Variants in GNAZ observed in about 807,000 individuals in gnomAD.
GNAZ encodes guanine nucleotide-binding protein G(z) subunit alpha.
GNAZ carries 3 observed loss-of-function variants against 25.4 expected under a neutral mutation model. That is an observed-to-expected ratio of 0.12 (90% CI 0.05 to 0.30). The LOEUF (loss-of-function observed/expected upper bound fraction) is 0.30, where lower values mean the gene tolerates loss of function less well. GNAZ is among the 10% of genes least tolerant of loss of function. GNAZ has a pLI of 1.00. For synonymous variants in GNAZ, 211 were observed against 205.7 expected (o/e 1.03, Z -0.22); for missense variants, 241 against 501.8 (o/e 0.48, Z 4.97).
chr22:23,081,303 C>T (rs1393698417), intron 1 of GNAZ, among the ~76,000 whole-genome samples: 4 of 152,070 alleles, frequency 2.6e-5, no homozygotes, highest in South Asian at 2.1e-4. Flanking sequence ...ACCCCAGAAC[C>T]GGAAACTCTG....
At chr22:23,075,606 A>AT (rs2146253759) in intron 1 of GNAZ, among the ~76,000 whole-genome samples, 1 of 152,324 alleles carries the variant, frequency 6.6e-6, no homozygotes, top group Non-Finnish European at 1.5e-5. Context: ...TGGAGAATCC[A>AT]TCAAAAAGTG....
At chr22:23,102,252 C>T (rs936806229) in intron 2 of GNAZ, among the ~76,000 whole-genome samples, 2 of 152,228 alleles carry the variant, frequency 1.3e-5, no homozygotes, top group African/African-American at 2.4e-5. Flanking sequence ...GCCTAGGGTC[C>T]CAGGCTTTAT....
chr22:23,106,909 A>G (rs966419455), intron 2 of GNAZ, among the ~76,000 whole-genome samples: 7 of 152,112 alleles, frequency 4.6e-5, no homozygotes, highest in Non-Finnish European at 1.0e-4. Context: ...TGCCATTACT[A>G]CGGGTCACCC....
At chr22:23,097,143 T>C (rs1181610159) in intron 2 of GNAZ, among the ~76,000 whole-genome samples, 1 of 152,094 alleles carries the variant, frequency 6.6e-6, no homozygotes, top group Non-Finnish European at 1.5e-5. Flanking sequence ...ATTTCAAGTC[T>C]GCCCTTAAGA....
chr22:23,111,339 C>G (rs2069652361), intron 2 of GNAZ, among the ~76,000 whole-genome samples: 1 of 152,194 alleles, frequency 6.6e-6, no homozygotes, highest in Non-Finnish European at 1.5e-5. Flanking sequence ...AATCTCCAAG[C>G]CCAGGCCAGG....
chr22:23,092,897 C>A (rs1239468375), intron 1 of GNAZ, among the ~76,000 whole-genome samples: 1 of 152,214 alleles, frequency 6.6e-6, no homozygotes, highest in Non-Finnish European at 1.5e-5. Context: ...GGACACCTCC[C>A]ACTGGGTTGG....
In GNAZ at chr22:23,123,493, G is replaced by C. The variant is rs944337808; in HGVS notation, c.*62G>C. On this transcript the variant is annotated 3_prime_UTR_variant, in exon 3 of 3. Coordinates refer to ENST00000615612, the MANE Select transcript of GNAZ (RefSeq NM_002073.4). ...CCCACGGGGTGTCATGCCCCAACGC[G>C]TGCTAGAGAGGCCCAATCCAGGGGC... is the stretch of plus-strand genomic sequence containing the variant. 19 of 1,093,718 alleles carry C rather than the reference G, an allele frequency of 1.7e-5. No individual in the cohort carries two copies. In the African/African-American group the frequency reaches 2.7e-4, roughly 15 times the overall value. The allele number at this position is 1,093,718 out of a possible 1,614,324, so 67.8% of individuals were successfully genotyped here.
intron 1 of GNAZ, among the ~76,000 whole-genome samples, chr22:23,093,974 G>A (rs1384384841): frequency 6.6e-6 from 1 of 152,202 alleles, no homozygotes; most frequent in Non-Finnish European, 1.5e-5. Context: ...GGGACAGTGA[G>A]GGGCACGGAT....
chr22:23,092,959 G>A (rs2069026442), intron 1 of GNAZ, among the ~76,000 whole-genome samples: 1 of 152,222 alleles, frequency 6.6e-6, no homozygotes, highest in South Asian at 2.1e-4. Context: ...TGATGGTGCT[G>A]GTAGGGAGAA....
chr22:23,104,834 C>G (rs2069413716), intron 2 of GNAZ, among the ~76,000 whole-genome samples: 1 of 152,228 alleles, frequency 6.6e-6, no homozygotes, highest in Non-Finnish European at 1.5e-5. Context: ...CCTGAGGCCC[C>G]ACTGGCTCAG....
chr22:23,072,017 C>T (rs1219725443), intron 1 of GNAZ, among the ~76,000 whole-genome samples: 2 of 152,114 alleles, frequency 1.3e-5, no homozygotes, highest in South Asian at 2.1e-4. Context: ...ACGGCTTCCT[C>T]ATCTGTAAAA....
chr22:23,070,600 C>CGCCGCTGA (rs201366455), intron 1 of GNAZ, 30 bp downstream of exon 1: 18,504 of 151,816 alleles, frequency 0.12, 1,329 homozygotes, highest in South Asian at 0.18. Flanking sequence ...GCCGGCCGCG[C>CGCCGCTGA]GCCGCTGAGC....
intron 1 of GNAZ, among the ~76,000 whole-genome samples, chr22:23,075,025 C>T (rs1168223868): frequency 6.6e-6 from 1 of 152,214 alleles, no homozygotes; most frequent in Non-Finnish European, 1.5e-5. Context: ...TAAAATTATG[C>T]ATTCCAGAAC....
At chr22:23,110,511 C>A (rs941767344) in intron 2 of GNAZ, among the ~76,000 whole-genome samples, 8 of 152,206 alleles carry the variant, frequency 5.3e-5, no homozygotes, top group African/African-American at 1.9e-4. Flanking sequence ...CACAGCAAGG[C>A]AGGTCCTTAA....
At chr22:23,107,721 CA>C (rs1167707573) in intron 2 of GNAZ, among the ~76,000 whole-genome samples, 2 of 152,184 alleles carry the variant, frequency 1.3e-5, no homozygotes, top group Non-Finnish European at 2.9e-5. Flanking sequence ...CACAGAACCC[CA>C]GGGGGTTGGC....
chr22:23,110,042 C>T (rs1380674916), intron 2 of GNAZ, among the ~76,000 whole-genome samples: 1 of 152,186 alleles, frequency 6.6e-6, no homozygotes, highest in African/African-American at 2.4e-5. Context: ...GAAGCACTAA[C>T]CAGATTGGAC....
At chr22:23,107,195 G>T (rs926425995) in intron 2 of GNAZ, among the ~76,000 whole-genome samples, 1 of 152,166 alleles carries the variant, frequency 6.6e-6, no homozygotes, top group Non-Finnish European at 1.5e-5. Context: ...ATAGTTGCAG[G>T]GGGGAGGGGG....
intron 2 of GNAZ, among the ~76,000 whole-genome samples, chr22:23,114,272 G>C (rs1335434384): frequency 6.6e-6 from 1 of 152,168 alleles, no homozygotes; most frequent in African/African-American, 2.4e-5. Context: ...TTCACGGTTC[G>C]GATGAACACT....
chr22:23,107,698 C>G (rs761941116), intron 2 of GNAZ, among the ~76,000 whole-genome samples: 5 of 152,188 alleles, frequency 3.3e-5, no homozygotes, highest in Non-Finnish European at 5.9e-5. Flanking sequence ...GAGTCGGGTC[C>G]TGGGCCTCTG....
Sources: allele counts gnomAD v4.1 joint callset (sites outside exome capture counted in the v4.1 genomes callset), GRCh38; gene constraint gnomAD v4.1.1; transcripts MANE v1.5; gene names NCBI Gene and HGNC (gene_info 2026-07-23, HGNC 2026-07-21).